The following TAF1B variants were observed in gnomAD, a reference collection of about 807,000 sequenced individuals.
The protein encoded by TAF1B is TATA box-binding protein-associated factor RNA polymerase I subunit B.
A neutral mutation model predicts 83.9 loss-of-function variants in TAF1B; 61 were observed. The observed-to-expected ratio is 0.73, with a 90% CI of 0.59 to 0.90. The LOEUF (loss-of-function observed/expected upper bound fraction) is 0.90. TAF1B is among the 40% of genes least tolerant of loss of function. TAF1B has a pLI of 0.00. For synonymous variants in TAF1B, 221 were observed against 224.6 expected (o/e 0.98, Z 0.14); for missense variants, 625 against 677.0 (o/e 0.92, Z 0.85).
chr2:9,932,899 C>T (rs998395028), intron 14 of TAF1B, among the ~76,000 whole-genome samples: 41 of 152,232 alleles, frequency 2.7e-4, no homozygotes, highest in African/African-American at 8.9e-4. Flanking sequence ...CTCCGCCTGC[C>T]AGGCTGCTGC....
At chr2:9,847,417 A>AGT (rs1663240722) in intron 2 of TAF1B, among the ~76,000 whole-genome samples, 1 of 152,194 alleles carries the variant, frequency 6.6e-6, no homozygotes, top group East Asian at 1.9e-4. Context: ...GGAGCTGAGC[A>AGT]GTGTGGCGAT....
Position 9,845,335 on chromosome 2 carries a change from A to C in TAF1B, c.117+17A>C. ...GTTACAGAGGTAAGTAACAAATATCATTTATGAATTTGCTTATGTTTTAAA... is the reference window on the plus strand; with the variant it reads ...GTTACAGAGGTAAGTAACAAATATCCTTTATGAATTTGCTTATGTTTTAAA... On this transcript the variant is annotated intron_variant, in intron 2 of 14. Transcript: ENST00000263663. The C allele has an allele frequency of 2.3e-5, 36 of 1,596,868 alleles. No homozygotes were observed. The highest frequency in any genetic ancestry group is 2.8e-5 in the Non-Finnish European group (33 of 1,164,894).
At chr2:9,845,720 C>G (rs763608580) in intron 2 of TAF1B, 1 of 256,732 alleles carries the variant, frequency 3.9e-6, no homozygotes, top group Non-Finnish European at 7.6e-6. Context: ...CAGTGGCTTA[C>G]GCCTGTAATC....
chr2:9,867,714 G>T (rs1664034082), intron 5 of TAF1B, among the ~76,000 whole-genome samples: 1 of 152,062 alleles, frequency 6.6e-6, no homozygotes, highest in Admixed American at 6.6e-5. Context: ...GTACATGTGT[G>T]AACAGTTAAA....
rs762078724 is a variant in TAF1B at position 9,910,871 on chromosome 2, T to C, written c.1091T>C (p.Val364Ala). ...YDVQAVAIIV[V>A]VLKLLFLLDD... ...GTACAAGCTGTAGCTATCATTGTGG[T>C]GGTATTGAAACTGCTCTTTCTATTG... The change falls in exon 10 of 15, where the codon GTG becomes GCG. Residue 364 changes from valine (V) to alanine (A), a missense_variant. By Grantham distance (64) the Val-to-Ala change is moderately conservative. Transcript: ENST00000263663. 5.0e-6 allele frequency: 8 copies of C among 1,612,904 alleles called. No homozygotes were observed. In the South Asian group the frequency reaches 5.5e-5, roughly 11 times the overall value.
chr2:9,915,592 C>A (rs1236250094), intron 12 of TAF1B, among the ~76,000 whole-genome samples: 2 of 152,110 alleles, frequency 1.3e-5, no homozygotes, highest in African/African-American at 2.4e-5. Context: ...TCATTATATA[C>A]CAATTAGAAT....
Position 9,848,937 on chromosome 2 carries a change from GTAT to G in TAF1B, c.118-431_118-429del, listed in dbSNP as rs536144867. On this transcript the variant is annotated intron_variant, in intron 2 of 14. Transcript: ENST00000263663. ...TTTCAGAAATGAAAGCAGTTTTAGA[GTAT>G]TATTCAAAGACATGGAAAAGTAGGC... Among the ~76,000 whole-genome samples, 8 of 152,280 alleles carry G rather than the reference GTAT, an allele frequency of 5.3e-5. No homozygotes were observed. The East Asian group carries it at 1.5e-3, about 29-fold the overall frequency.
chr2:9,849,843 G>A (rs1308728531), intron 3 of TAF1B, among the ~76,000 whole-genome samples: 2 of 152,090 alleles, frequency 1.3e-5, no homozygotes, highest in East Asian at 1.9e-4. Flanking sequence ...CATTAATCCA[G>A]TGAGTACATA....
intron 8 of TAF1B, among the ~76,000 whole-genome samples, chr2:9,884,571 C>T (rs531406131): frequency 1.3e-5 from 2 of 152,324 alleles, no homozygotes; most frequent in South Asian, 2.1e-4. Context: ...TCCTGATGAG[C>T]GTTCAGCTCC....
intron 3 of TAF1B, 42 bp from the exon 4 acceptor site, chr2:9,851,499 A>T: frequency 6.8e-7 from 1 of 1,460,570 alleles, no homozygotes; most frequent in East Asian, 2.3e-5. Flanking sequence ...AAAGTTAGTA[A>T]ATTAGGAATG....
At chr2:9,874,282 A>G (rs1236049106) in intron 6 of TAF1B, among the ~76,000 whole-genome samples, 2 of 152,044 alleles carry the variant, frequency 1.3e-5, no homozygotes, top group African/African-American at 4.8e-5. Context: ...CATCCTTAAG[A>G]CTTACTTTCT....
chr2:9,869,393 T>C (rs948809833), intron 6 of TAF1B, among the ~76,000 whole-genome samples: 2 of 151,770 alleles, frequency 1.3e-5, no homozygotes, highest in Non-Finnish European at 2.9e-5. Context: ...CCCTGCTAAT[T>C]TTTGTATTTT....
At chr2:9,898,633 TAC>T (rs1433588692) in intron 8 of TAF1B, among the ~76,000 whole-genome samples, 5 of 152,140 alleles carry the variant, frequency 3.3e-5, no homozygotes, top group Non-Finnish European at 5.9e-5. Context: ...ATTGACAGAG[TAC>T]AGTGTATCTA....
intron 12 of TAF1B, among the ~76,000 whole-genome samples, chr2:9,917,855 G>A (rs899962668): frequency 1.3e-5 from 2 of 152,080 alleles, no homozygotes; most frequent in Non-Finnish European, 2.9e-5. Flanking sequence ...GGCGGATCAC[G>A]AGGTCAGGAG....
intron 6 of TAF1B, among the ~76,000 whole-genome samples, chr2:9,870,717 C>T (rs947039445): frequency 6.6e-6 from 1 of 151,986 alleles, no homozygotes; most frequent in African/African-American, 2.4e-5. Context: ...ATTTCTCATT[C>T]TCTCTCTTCT....
At chr2:9,920,974 T>C (rs1414070607) in intron 14 of TAF1B, among the ~76,000 whole-genome samples, 4 of 152,188 alleles carry the variant, frequency 2.6e-5, no homozygotes, top group East Asian at 3.8e-4. Flanking sequence ...AATGATCGGC[T>C]CTGTGGCATA....
chr2:9,905,707 C>CA (rs71391109), intron 9 of TAF1B, among the ~76,000 whole-genome samples: 78,080 of 151,710 alleles, frequency 0.51, 23,064 homozygotes, highest in Non-Finnish European at 0.68. Context: ...ATTGCTGAAG[C>CA]ATGTAAAAAA....
intron 8 of TAF1B, among the ~76,000 whole-genome samples, chr2:9,899,101 A>G (rs1665106031): frequency 1.3e-5 from 2 of 152,030 alleles, no homozygotes; most frequent in African/African-American, 4.8e-5. Context: ...ACCACCATCC[A>G]TCTCTAGAAT....
chr2:9,887,768 C>A (rs1396444279), intron 8 of TAF1B, among the ~76,000 whole-genome samples: 1 of 152,014 alleles, frequency 6.6e-6, no homozygotes, highest in East Asian at 1.9e-4. Context: ...TACCATCTTG[C>A]TATTACATGT....
Sources: allele counts gnomAD v4.1 joint callset (sites outside exome capture counted in the v4.1 genomes callset), GRCh38; gene constraint gnomAD v4.1.1; transcripts MANE v1.5; gene names NCBI Gene and HGNC (gene_info 2026-07-23, HGNC 2026-07-21).